The following CDH13 variants were observed in gnomAD, a reference collection of about 807,000 sequenced individuals.
CDH13 encodes the protein cadherin-13.
In CDH13, 24 loss-of-function variants were observed where a neutral mutation model predicts 63.8. The ratio of observed to expected loss-of-function variants is 0.38; its 90% confidence interval spans 0.27 to 0.53. The LOEUF (loss-of-function observed/expected upper bound fraction) is 0.53. Ranked by LOEUF, CDH13 falls within the 20% of genes least tolerant of loss-of-function variation. The probability of loss-of-function intolerance (pLI) is 0.85; values close to 1 mark genes in which losing one functional copy is unlikely to be tolerated. For synonymous variants in CDH13, 503 were observed against 355.3 expected, an observed-to-expected ratio of 1.42 and a Z score of -4.67; for missense variants, 1,049 against 903.1, an observed-to-expected ratio of 1.16 and a Z score of -2.07.
intron 6 of CDH13, among the ~76,000 whole-genome samples, chr16:83,484,692 C>T (rs2073847388): frequency 1.3e-5 from 2 of 152,186 alleles, no homozygotes; most frequent in Non-Finnish European, 2.9e-5. Flanking sequence ...ACCACCATTA[C>T]CAGGGAGAAG....
At chr16:83,280,433 C>A (rs570062248) in intron 5 of CDH13, among the ~76,000 whole-genome samples, 38 of 152,212 alleles carry the variant, frequency 2.5e-4, no homozygotes, top group Non-Finnish European at 5.1e-4. Flanking sequence ...AGCCACACTT[C>A]TAATTCTAGC....
chr16:82,937,658 G>A (rs2042713634), intron 2 of CDH13, among the ~76,000 whole-genome samples: 1 of 152,192 alleles, frequency 6.6e-6, no homozygotes, highest in Non-Finnish European at 1.5e-5. Context: ...GTTACCTGTT[G>A]ATCCTTCCTA....
intron 7 of CDH13, among the ~76,000 whole-genome samples, chr16:83,512,685 T>TATA (rs34847188): frequency 1.4e-4 from 21 of 146,536 alleles, no homozygotes; most frequent in Admixed American, 2.7e-4. Context: ...ATAATAATAA[T>TATA]ATAATAATAA....
intron 11 of CDH13, among the ~76,000 whole-genome samples, chr16:83,752,740 A>G (rs140424511): frequency 1.2e-4 from 19 of 152,340 alleles, no homozygotes; most frequent in African/African-American, 4.6e-4. Flanking sequence ...TTTTCTACAT[A>G]TACAAAATGA....
intron 8 of CDH13, among the ~76,000 whole-genome samples, chr16:83,630,243 G>A (rs1342792423): frequency 6.6e-6 from 1 of 152,140 alleles, no homozygotes; most frequent in African/African-American, 2.4e-5. Context: ...TTGTAATAAA[G>A]GTTAAATAAA....
intron 7 of CDH13, among the ~76,000 whole-genome samples, chr16:83,510,388 CCTT>C (rs2074529084): frequency 6.6e-6 from 1 of 152,124 alleles, no homozygotes; most frequent in Non-Finnish European, 1.5e-5. Context: ...CTGTGAAAAT[CCTT>C]CTGCAGCCCA....
At chr16:82,699,812 TGA>T (rs1290491585) in intron 1 of CDH13, among the ~76,000 whole-genome samples, 1 of 152,268 alleles carries the variant, frequency 6.6e-6, no homozygotes, top group Non-Finnish European at 1.5e-5. Flanking sequence ...ATTTAGCTGT[TGA>T]GAGAGGAATG....
At chr16:83,053,760 C>T (rs1948440463) in intron 3 of CDH13, among the ~76,000 whole-genome samples, 3 of 152,126 alleles carry the variant, frequency 2.0e-5, no homozygotes, top group Non-Finnish European at 2.9e-5. Flanking sequence ...TAGAACTATA[C>T]AGCAGGCAGA....
At chr16:83,550,851 G>A (rs962190438) in intron 7 of CDH13, among the ~76,000 whole-genome samples, 2 of 152,072 alleles carry the variant, frequency 1.3e-5, no homozygotes, top group Non-Finnish European at 2.9e-5. Context: ...CTGACAGTAA[G>A]CCTAACCTCT....
chr16:83,450,872 A>G (rs1317525134), intron 6 of CDH13, among the ~76,000 whole-genome samples: 3 of 151,996 alleles, frequency 2.0e-5, no homozygotes, highest in Non-Finnish European at 4.4e-5. Context: ...TCTGTCTCAC[A>G]GAGAAAAAAA....
At chr16:82,668,749 T>A (rs1037347282) in intron 1 of CDH13, among the ~76,000 whole-genome samples, 1 of 152,176 alleles carries the variant, frequency 6.6e-6, no homozygotes, top group African/African-American at 2.4e-5. Context: ...TTGGGCCTCC[T>A]GGAATGCTCT....
At chr16:83,509,956 G>C (rs367857085) in intron 7 of CDH13, among the ~76,000 whole-genome samples, 1 of 152,162 alleles carries the variant, frequency 6.6e-6, no homozygotes, top group Non-Finnish European at 1.5e-5. Flanking sequence ...CAGAGGATTG[G>C]GAGCATGGTA....
chr16:83,337,249 G>A (rs2090619145), intron 5 of CDH13, among the ~76,000 whole-genome samples: 1 of 152,172 alleles, frequency 6.6e-6, no homozygotes, highest in African/African-American at 2.4e-5. Context: ...CCACAGTATG[G>A]AAAGAGAGTA....
intron 4 of CDH13, among the ~76,000 whole-genome samples, chr16:83,157,385 C>G (rs775357484): frequency 3.9e-5 from 6 of 152,288 alleles, no homozygotes; most frequent in Admixed American, 6.5e-5. Context: ...CATCCGGAAT[C>G]AGTTCTCATC....
At chr16:82,897,787 G>T (rs2041319202) in intron 2 of CDH13, among the ~76,000 whole-genome samples, 2 of 152,230 alleles carry the variant, frequency 1.3e-5, no homozygotes, top group Admixed American at 1.3e-4. Flanking sequence ...TGAATCCTAG[G>T]CTTAGGCCAG....
intron 6 of CDH13, among the ~76,000 whole-genome samples, chr16:83,409,822 CAGTA>C (rs2092101010): frequency 6.6e-6 from 1 of 152,174 alleles, no homozygotes; most frequent in Non-Finnish European, 1.5e-5. Context: ...CTTGGGATAT[CAGTA>C]AGTCTGGGTT....
intron 7 of CDH13, among the ~76,000 whole-genome samples, chr16:83,513,622 C>T (rs1007158540): frequency 6.6e-6 from 1 of 152,140 alleles, no homozygotes; most frequent in African/African-American, 2.4e-5. Context: ...GAGCAATGCG[C>T]AGGGATAGCC....
At chr16:82,880,635 G>A (rs1025552978) in intron 2 of CDH13, among the ~76,000 whole-genome samples, 2 of 152,118 alleles carry the variant, frequency 1.3e-5, no homozygotes, top group Non-Finnish European at 2.9e-5. Flanking sequence ...AATGGCCAAC[G>A]GTGCCTGATT....
At chr16:83,395,074 G>T (rs1283712118) in intron 6 of CDH13, among the ~76,000 whole-genome samples, 1 of 151,704 alleles carries the variant, frequency 6.6e-6, no homozygotes, top group African/African-American at 2.4e-5. Context: ...CCTGAACCCA[G>T]GAGGCAGAGG....
Sources: gnomAD v4.1 joint callset for allele counts (sites outside exome capture counted in the v4.1 genomes callset) on GRCh38, gnomAD v4.1.1 for gene constraint, MANE v1.5 for transcripts, NCBI Gene and HGNC (gene_info 2026-07-23, HGNC 2026-07-21) for gene names.